The following SNTG1 variants were observed in gnomAD, a reference collection of about 807,000 sequenced individuals.
The protein encoded by SNTG1 is syntrophin gamma 1.
In SNTG1, 39 loss-of-function variants were observed where a neutral mutation model predicts 74.7. The observed-to-expected ratio is 0.52, with a 90% CI of 0.40 to 0.68. The LOEUF is 0.68. SNTG1 is among the 30% of genes least tolerant of loss of function. The pLI is 0.00. For synonymous variants in SNTG1, 254 were observed against 217.1 expected, an observed-to-expected ratio of 1.17 and a Z score of -1.49; for missense variants, 685 against 609.5, an observed-to-expected ratio of 1.12 and a Z score of -1.30.
At chr8:49,922,911 C>A (rs937484469) in intron 1 of SNTG1, among the ~76,000 whole-genome samples, 2 of 152,034 alleles carry the variant, frequency 1.3e-5, no homozygotes, top group African/African-American at 4.8e-5. Flanking sequence ...GGTTTTAACT[C>A]TTCTCCTGTT....
intron 1 of SNTG1, among the ~76,000 whole-genome samples, chr8:50,146,771 A>G (rs1472365426): frequency 2.0e-5 from 3 of 152,116 alleles, no homozygotes; most frequent in Admixed American, 2.0e-4. Flanking sequence ...CTTTCAATGT[A>G]GTTTAAATTT....
At chr8:50,096,672 A>G (rs1489238423) in intron 1 of SNTG1, among the ~76,000 whole-genome samples, 1 of 152,216 alleles carries the variant, frequency 6.6e-6, no homozygotes, top group Non-Finnish European at 1.5e-5. Flanking sequence ...TTTCTGAACT[A>G]AAATAGGAGA....
At chr8:50,132,866 A>T (rs1399374729) in intron 1 of SNTG1, among the ~76,000 whole-genome samples, 3 of 152,198 alleles carry the variant, frequency 2.0e-5, no homozygotes, top group Non-Finnish European at 4.4e-5. Context: ...TCATTCCTGG[A>T]TAACTGTGTC....
At chr8:50,470,860 C>A (rs114174119) in intron 8 of SNTG1, among the ~76,000 whole-genome samples, 1 of 152,076 alleles carries the variant, frequency 6.6e-6, no homozygotes, top group East Asian at 1.9e-4. Flanking sequence ...CTCTGGTGGC[C>A]GGCGTTTATT....
intron 8 of SNTG1, 145 bp downstream of exon 8, chr8:50,450,874 T>C (rs2093450590): frequency 1.3e-6 from 1 of 789,142 alleles, no homozygotes; most frequent in African/African-American, 1.7e-5. Context: ...CTCTTAATTT[T>C]TTTTTAAATT....
chr8:50,361,672 G>A (rs1363594184), intron 2 of SNTG1, among the ~76,000 whole-genome samples: 2 of 151,954 alleles, frequency 1.3e-5, no homozygotes, highest in Non-Finnish European at 2.9e-5. Context: ...TTTTTTTTGG[G>A]GGAGGTCACT....
At chr8:49,967,101 A>G (rs577371507) in intron 1 of SNTG1, among the ~76,000 whole-genome samples, 1 of 152,222 alleles carries the variant, frequency 6.6e-6, no homozygotes, top group Non-Finnish European at 1.5e-5. Context: ...CATTGTCCCA[A>G]GGGCGTAAGT....
At chr8:50,601,618 G>A (rs1306817288) in intron 13 of SNTG1, among the ~76,000 whole-genome samples, 1 of 152,138 alleles carries the variant, frequency 6.6e-6, no homozygotes, top group East Asian at 1.9e-4. Flanking sequence ...GAAATATTCT[G>A]TAAATATTTA....
chr8:50,389,607 G>A (rs1026094844), intron 2 of SNTG1, among the ~76,000 whole-genome samples: 1 of 152,124 alleles, frequency 6.6e-6, no homozygotes, highest in African/African-American at 2.4e-5. Flanking sequence ...CCAGTAATGG[G>A]ATGGCTGGGT....
rs552089334 is a variant in SNTG1, at chr8:50,542,039, T to A, written c.680+5231T>A. Reference sequence around the variant, plus strand: ...TGGATGAATAATATTTTATTGCATATGTATATATACATATATATATGAATG... The same window carrying A: ...TGGATGAATAATATTTTATTGCATAAGTATATATACATATATATATGAATG... On this transcript the variant is annotated intron_variant, in intron 11 of 18. Coordinates refer to ENST00000642720, the MANE Select transcript of SNTG1 (RefSeq NM_018967.5). Among the ~76,000 whole-genome samples, 24 of 149,984 alleles carry A rather than the reference T, an allele frequency of 1.6e-4. No homozygotes were observed. The South Asian group carries it at 2.5e-3, about 16-fold the overall frequency.
intron 17 of SNTG1, among the ~76,000 whole-genome samples, chr8:50,715,878 A>G (rs571516379): frequency 6.6e-6 from 1 of 152,368 alleles, no homozygotes; most frequent in African/African-American, 2.4e-5. Flanking sequence ...CTGTTAACAC[A>G]TTAACATTTT....
At chr8:50,344,770 A>C (rs2091423289) in intron 2 of SNTG1, among the ~76,000 whole-genome samples, 1 of 152,202 alleles carries the variant, frequency 6.6e-6, no homozygotes, top group African/African-American at 2.4e-5. Flanking sequence ...GTGCTGAAAG[A>C]AGCTATGAGC....
In SNTG1 at chr8:50,601,152, C is replaced by CA. The variant is rs71235311; in HGVS notation, c.849+10267dup. Among the ~76,000 whole-genome samples the CA allele has an allele frequency of 5.0e-3, 158 of 31,438 alleles. 35 individuals carry two copies. Among genetic ancestry groups the CA allele is most frequent in the Non-Finnish European group, 5.6e-3 (118 of 21,226 alleles). The allele number at this position is 31,438 out of a possible 152,430, so 20.6% of individuals were successfully genotyped here. On this transcript the variant is annotated intron_variant, in intron 13 of 18. Transcript: ENST00000642720. Reference sequence around the variant, plus strand: ...CAGCCTGGTGACAGAGCCAGCGAGACAAAAAAAAAAAAAAAAAAAAAAAAA... The same window carrying CA: ...CAGCCTGGTGACAGAGCCAGCGAGACAAAAAAAAAAAAAAAAAAAAAAAAAA...
chr8:50,471,047 C>T (rs1399667286), intron 8 of SNTG1, among the ~76,000 whole-genome samples: 3 of 151,954 alleles, frequency 2.0e-5, no homozygotes, highest in Admixed American at 1.3e-4. Context: ...CTGATTGATG[C>T]ATTTACAAAC....
chr8:50,775,491 C>T (rs1248813184), intron 18 of SNTG1, among the ~76,000 whole-genome samples: 3 of 151,602 alleles, frequency 2.0e-5, no homozygotes, highest in Non-Finnish European at 4.4e-5. Flanking sequence ...AGAAAACACA[C>T]CTTCTATGAC....
chr8:50,180,750 C>CTTT lies in SNTG1; in HGVS notation c.-28+8142_-28+8144dup, dbSNP rs60630226. Among the ~76,000 whole-genome samples, 45 of 80,666 alleles carry CTTT rather than the reference C, an allele frequency of 5.6e-4. 2 individuals carry two copies. Among genetic ancestry groups the CTTT allele is most frequent in the African/African-American group, 1.5e-3 (24 of 15,564 alleles). The allele number at this position is 80,666 out of a possible 152,430, so 52.9% of individuals were successfully genotyped here. A position where few individuals can be genotyped will look rare whatever the true frequency, so the allele number is the denominator to read the frequency against. ...TGCGTTTCCCACCAGATTGTGAAGC[C>CTTT]TTTTTTTTTTTTTTTTTTTTTTTTT... is the stretch of plus-strand genomic sequence containing the variant. On this transcript the variant is annotated intron_variant, in intron 2 of 18. Transcript: ENST00000642720.
chr8:50,177,302 C>G (rs2083035171), intron 2 of SNTG1, among the ~76,000 whole-genome samples: 1 of 152,126 alleles, frequency 6.6e-6, no homozygotes, highest in African/African-American at 2.4e-5. Flanking sequence ...CTGCTCAGTC[C>G]TGCCTTCTTT....
intron 12 of SNTG1, among the ~76,000 whole-genome samples, chr8:50,570,557 C>T (rs1487808933): frequency 7.2e-6 from 1 of 138,542 alleles, no homozygotes; most frequent in Non-Finnish European, 1.5e-5. Flanking sequence ...CACGTCCAGC[C>T]TTATTTTTTA....
intron 15 of SNTG1, among the ~76,000 whole-genome samples, chr8:50,687,128 C>T (rs540215577): frequency 2.7e-4 from 37 of 136,010 alleles, no homozygotes; most frequent in Admixed American, 5.3e-4. Context: ...GGCGACAGAG[C>T]GAGACTCCGT....
Sources: gnomAD v4.1 joint callset for allele counts (sites outside exome capture counted in the v4.1 genomes callset) on GRCh38, gnomAD v4.1.1 for gene constraint, MANE v1.5 for transcripts, NCBI Gene and HGNC (gene_info 2026-07-23, HGNC 2026-07-21) for gene names.